The following ACSS3 variants were observed in gnomAD, a reference collection of about 807,000 sequenced individuals.
ACSS3 encodes acyl-CoA synthetase short chain family member 3, also known as acyl-CoA synthetase short-chain family member 3, mitochondrial.
A neutral mutation model predicts 84.2 loss-of-function variants in ACSS3; 64 were observed. That is an observed-to-expected ratio of 0.76 (90% confidence interval 0.62 to 0.94). The LOEUF (loss-of-function observed/expected upper bound fraction) is 0.94. Among genes scored for constraint, ACSS3 ranks in the 40% least tolerant of loss-of-function variants. The pLI, the probability that ACSS3 is intolerant of heterozygous loss-of-function variation, is 0.00. For missense variants in ACSS3, 815 were observed against 867.6 expected, an observed-to-expected ratio of 0.94 and a Z score of 0.76; for synonymous variants, 317 against 310.1, an observed-to-expected ratio of 1.02 and a Z score of -0.23.
chr12:81,099,401 C>A (rs1204108755), intron 1 of ACSS3, among the ~76,000 whole-genome samples: 1 of 152,066 alleles, frequency 6.6e-6, no homozygotes, highest in African/African-American at 2.4e-5. Flanking sequence ...TAAATACATG[C>A]AAAGTGCAGA....
intron 2 of ACSS3, among the ~76,000 whole-genome samples, chr12:81,129,016 A>G (rs962336829): frequency 3.9e-5 from 6 of 152,224 alleles, no homozygotes; most frequent in Admixed American, 3.9e-4. Flanking sequence ...AGAAAATCGT[A>G]CTATTGATTC....
chr12:81,121,846 G>C (rs1375227989), intron 2 of ACSS3, among the ~76,000 whole-genome samples: 1 of 151,834 alleles, frequency 6.6e-6, no homozygotes, highest in African/African-American at 2.4e-5. Flanking sequence ...TGACCTTTAC[G>C]TATTCTGCAT....
intron 11 of ACSS3, among the ~76,000 whole-genome samples, chr12:81,222,335 C>T (rs954122193): frequency 3.9e-5 from 6 of 151,938 alleles, no homozygotes; most frequent in African/African-American, 7.3e-5. Flanking sequence ...TAGAAATAAT[C>T]GGAAAACAAA....
chr12:81,209,852 T>C (rs1177260399), intron 9 of ACSS3, among the ~76,000 whole-genome samples: 1 of 152,200 alleles, frequency 6.6e-6, no homozygotes, highest in African/African-American at 2.4e-5. Context: ...GGTAACTTCC[T>C]GACATTGCCA....
At position 81,259,551 on chromosome 12, in the gene ACSS3, T is replaced by TAAG; in HGVS notation, c.*4630_*4632dup. 7 of 1,340,320 alleles carry TAAG rather than the reference T, an allele frequency of 5.2e-6. No homozygotes were observed. The highest frequency in any genetic ancestry group is 7.2e-6 in the Non-Finnish European group (7 of 978,958). 83.0% of individuals were successfully genotyped at this position (1,340,320 alleles called of 1,614,324 possible). On this transcript the variant is annotated 3_prime_UTR_variant, in exon 16 of 16. Coordinates refer to ENST00000548058, the MANE Select transcript of ACSS3 (RefSeq NM_024560.4). ...AAAAATCACATTTTTCAGCTTTTAA[T>TAAG]AAGTCATGACGTCATTATTTCCTTA...
At chr12:81,096,505 G>A (rs1472921964) in intron 1 of ACSS3, among the ~76,000 whole-genome samples, 1 of 152,032 alleles carries the variant, frequency 6.6e-6, no homozygotes, top group East Asian at 1.9e-4. Flanking sequence ...TAAGTTCTGG[G>A]ATACATGCAC....
At chr12:81,130,375 A>C (rs571156470) in intron 2 of ACSS3, among the ~76,000 whole-genome samples, 9 of 152,334 alleles carry the variant, frequency 5.9e-5, no homozygotes, top group African/African-American at 2.2e-4. Context: ...TCTGATGACC[A>C]GTGATGATGA....
At chr12:81,182,121 T>C (rs2030977565) in intron 8 of ACSS3, among the ~76,000 whole-genome samples, 1 of 152,088 alleles carries the variant, frequency 6.6e-6, no homozygotes, top group African/African-American at 2.4e-5. Flanking sequence ...TTATCAAAAG[T>C]CATATACAGA....
intron 7 of ACSS3, among the ~76,000 whole-genome samples, chr12:81,157,666 G>C (rs1275739638): frequency 3.9e-5 from 6 of 151,988 alleles, no homozygotes; most frequent in Admixed American, 2.6e-4. Context: ...AATTAGCCAG[G>C]CATGGTGGTG....
At chr12:81,136,124 G>T (rs1248279520) in intron 3 of ACSS3, among the ~76,000 whole-genome samples, 1 of 152,038 alleles carries the variant, frequency 6.6e-6, no homozygotes, top group East Asian at 1.9e-4. Flanking sequence ...TTTGAATGGG[G>T]TACAAAAATA....
intron 2 of ACSS3, among the ~76,000 whole-genome samples, chr12:81,123,665 C>G (rs1401242861): frequency 6.6e-6 from 1 of 152,098 alleles, no homozygotes; most frequent in African/African-American, 2.4e-5. Flanking sequence ...GTTCTCATCT[C>G]TATTTCCATA....
Position 81,258,681 on chromosome 12 carries a change from T to C in ACSS3, c.*3759T>C, listed in dbSNP as rs1284644476. On this transcript the variant is annotated 3_prime_UTR_variant, in exon 16 of 16. Transcript: ENST00000548058. The stretch of plus-strand genomic sequence containing the variant: ...CATCTCGGCTAAAAGCTTATAACAT[T>C]AGACATGAGTCTGGCTAATGCCCTG... The C allele has an allele frequency of 6.6e-6, 1 of 152,100 alleles. No homozygotes were observed. Among genetic ancestry groups the C allele is most frequent in the Non-Finnish European group, 1.5e-5 (1 of 68,018 alleles). 9.4% of individuals were successfully genotyped at this position (152,100 alleles called of 1,614,324 possible). A position where few individuals can be genotyped will look rare whatever the true frequency, so the allele number is the denominator to read the frequency against.
chr12:81,168,964 A>G (rs1887529317), intron 7 of ACSS3, among the ~76,000 whole-genome samples: 2 of 152,200 alleles, frequency 1.3e-5, no homozygotes, highest in Admixed American at 1.3e-4. Context: ...CTGGCCGCAG[A>G]TTAGAATTAC....
At chr12:81,174,231 A>G (rs543721994) in intron 7 of ACSS3, among the ~76,000 whole-genome samples, 1 of 152,158 alleles carries the variant, frequency 6.6e-6, no homozygotes, top group East Asian at 1.9e-4. Flanking sequence ...AACATATACA[A>G]TGTTATTTTG....
rs149486667 is a variant in ACSS3 at position 81,189,268 on chromosome 12, G to T, written c.1251-10073G>T. Among the ~76,000 whole-genome samples the T allele has an allele frequency of 3.4e-3, 511 of 152,216 alleles. 1 individual carries two copies. Among genetic ancestry groups the T allele is most frequent in the Non-Finnish European group, 5.2e-3 (352 of 67,994 alleles). On this transcript the variant is annotated intron_variant, in intron 8 of 15. Coordinates refer to ENST00000548058, the MANE Select transcript of ACSS3 (RefSeq NM_024560.4). The stretch of plus-strand genomic sequence containing the variant: ...ACTAAGGTATAATGGTTACATTACA[G>T]AGTATGTCAAACAGTTTTCCAAGGT...
chr12:81,166,234 C>T (rs1026472877), intron 7 of ACSS3, among the ~76,000 whole-genome samples: 1 of 152,098 alleles, frequency 6.6e-6, no homozygotes, highest in Admixed American at 6.5e-5. Context: ...GTTAGGGTGT[C>T]AGGTGGCTAT....
At chr12:81,102,234 T>C (rs751686870) in intron 1 of ACSS3, among the ~76,000 whole-genome samples, 39 of 152,194 alleles carry the variant, frequency 2.6e-4, no homozygotes, top group Non-Finnish European at 4.7e-4. Context: ...AAAATCCTTC[T>C]TCCTATGAGT....
At chr12:81,248,010 A>G (rs1210806913) in intron 13 of ACSS3, among the ~76,000 whole-genome samples, 1 of 152,118 alleles carries the variant, frequency 6.6e-6, no homozygotes, top group African/African-American at 2.4e-5. Context: ...TTTTATGAGT[A>G]ATTATTAGAA....
chr12:81,213,957 CTCTTTCTT>C (rs59556127), intron 9 of ACSS3, among the ~76,000 whole-genome samples: 3,886 of 48,488 alleles, frequency 0.08, 123 homozygotes, highest in Middle Eastern at 0.11. Flanking sequence ...CTCCCTCTCT[CTCTTTCTT>C]TCTTTCTTTC....
Sources: allele counts gnomAD v4.1 joint callset (sites outside exome capture counted in the v4.1 genomes callset), GRCh38; gene constraint gnomAD v4.1.1; transcripts MANE v1.5; gene names NCBI Gene and HGNC (gene_info 2026-07-23, HGNC 2026-07-21).